GATAD2A: variants seen among roughly 807,000 people sequenced by gnomAD.
The protein encoded by GATAD2A is transcriptional repressor p66-alpha.
A neutral mutation model predicts 68.5 loss-of-function variants in GATAD2A; 12 were observed. The observed-to-expected ratio is 0.18, with a 90% CI of 0.11 to 0.28. The LOEUF (loss-of-function observed/expected upper bound fraction) is 0.28, where lower values mean the gene tolerates loss of function less well. GATAD2A is among the 10% of genes least tolerant of loss of function. GATAD2A has a pLI of 1.00. For synonymous variants in GATAD2A, 410 were observed against 375.3 expected (o/e 1.09, Z -1.07); for missense variants, 755 against 868.5 (o/e 0.87, Z 1.64).
intron 1 of GATAD2A, among the ~76,000 whole-genome samples, chr19:19,431,177 G>A (rs2053705348): frequency 6.6e-6 from 1 of 151,856 alleles, no homozygotes; most frequent in Non-Finnish European, 1.5e-5. Flanking sequence ...AACTCAGCCA[G>A]TACGGGGTGG....
rs2057716486 is a variant in GATAD2A at position 19,464,493 on chromosome 19, G to GTCCTGTCT, written c.-6-846_-6-839dup. ...TGCAGACAGACATCGCTGTGCTGTC[G>GTCCTGTCT]TCCTGTCTCCGTGAGGGTTAACAAC... On this transcript the variant is annotated intron_variant, in intron 1 of 11. Transcript: ENST00000683918. Among the ~76,000 whole-genome samples the GTCCTGTCT allele has an allele frequency of 2.0e-5, 3 of 152,256 alleles. No individual in the cohort carries two copies. The South Asian group carries it at 6.2e-4, about 32-fold the overall frequency.
chr19:19,475,310 C>T (rs1472594433), intron 2 of GATAD2A, among the ~76,000 whole-genome samples: 1 of 152,252 alleles, frequency 6.6e-6, no homozygotes, highest in African/African-American at 2.4e-5. Context: ...TGGCTGCCTC[C>T]TACAGCCCTC....
intron 1 of GATAD2A, among the ~76,000 whole-genome samples, chr19:19,432,112 A>G (rs1260187297): frequency 2.0e-5 from 3 of 152,056 alleles, no homozygotes; most frequent in African/African-American, 7.2e-5. Flanking sequence ...AGCAGCTGGG[A>G]TTACAAGCAT....
At chr19:19,472,233 C>G (rs1001377894) in intron 2 of GATAD2A, among the ~76,000 whole-genome samples, 1 of 152,082 alleles carries the variant, frequency 6.6e-6, no homozygotes. Flanking sequence ...GTAGCAGATC[C>G]AGTCCTGCAC....
chr19:19,391,830 A>G (rs905514460), intron 1 of GATAD2A, among the ~76,000 whole-genome samples: 7 of 152,206 alleles, frequency 4.6e-5, no homozygotes, highest in African/African-American at 1.4e-4. Flanking sequence ...TGGAACTGAA[A>G]TAGCTAGGGA....
At chr19:19,445,709 A>G (rs148982801) in intron 1 of GATAD2A, among the ~76,000 whole-genome samples, 5 of 152,104 alleles carry the variant, frequency 3.3e-5, no homozygotes, top group Non-Finnish European at 7.3e-5. Context: ...TTCACTTAGC[A>G]TGATGTTTTC....
At chr19:19,489,815 T>G (rs1056702752) in intron 2 of GATAD2A, among the ~76,000 whole-genome samples, 2 of 152,264 alleles carry the variant, frequency 1.3e-5, no homozygotes, top group Admixed American at 1.3e-4. Flanking sequence ...CTATACAAGA[T>G]GCTGCCTTGG....
At chr19:19,433,837 C>T (rs1191545736) in intron 1 of GATAD2A, among the ~76,000 whole-genome samples, 1 of 152,198 alleles carries the variant, frequency 6.6e-6, no homozygotes, top group Non-Finnish European at 1.5e-5. Context: ...TGCAGTGGCA[C>T]AGTCACGGCT....
At chr19:19,446,061 G>A (rs1246954426) in intron 1 of GATAD2A, among the ~76,000 whole-genome samples, 2 of 152,254 alleles carry the variant, frequency 1.3e-5, no homozygotes, top group East Asian at 3.9e-4. Flanking sequence ...TCACTCTACT[G>A]TTTTACTTTC....
At chr19:19,494,458 C>T (rs2060011313) in intron 5 of GATAD2A, 75 bp downstream of exon 5, 8 of 925,894 alleles carry the variant, frequency 8.6e-6, no homozygotes, top group African/African-American at 3.3e-5. Context: ...CTCGGGCTCC[C>T]AAACAGCCCT....
chr19:19,427,038 C>T (rs911800216), intron 1 of GATAD2A, among the ~76,000 whole-genome samples: 5 of 151,498 alleles, frequency 3.3e-5, no homozygotes, highest in African/African-American at 1.2e-4. Context: ...AGAAGTCAGG[C>T]TCAAAAAGAC....
At chr19:19,489,862 G>A (rs1191067716) in intron 2 of GATAD2A, among the ~76,000 whole-genome samples, 1 of 152,230 alleles carries the variant, frequency 6.6e-6, no homozygotes, top group East Asian at 1.9e-4. Context: ...GGCCACCTGG[G>A]TGGAGGCCAG....
At chr19:19,489,343 G>T (rs539403856) in intron 2 of GATAD2A, among the ~76,000 whole-genome samples, 38 of 152,342 alleles carry the variant, frequency 2.5e-4, no homozygotes, top group African/African-American at 8.9e-4. Flanking sequence ...CAAAATGAAG[G>T]CTGCGTGTCA....
At chr19:19,412,764 C>G (rs1417099847) in intron 1 of GATAD2A, among the ~76,000 whole-genome samples, 1 of 152,212 alleles carries the variant, frequency 6.6e-6, no homozygotes, top group Non-Finnish European at 1.5e-5. Context: ...ACCTTTGAGT[C>G]AGTGGCTGTG....
intron 1 of GATAD2A, among the ~76,000 whole-genome samples, chr19:19,441,969 C>G (rs1338965162): frequency 7.2e-5 from 11 of 152,288 alleles, no homozygotes; most frequent in Non-Finnish European, 7.4e-5. Context: ...TCAAGTGATT[C>G]TTCTGCCTCA....
chr19:19,393,789 T>C (rs2049020772), intron 1 of GATAD2A, among the ~76,000 whole-genome samples: 1 of 152,146 alleles, frequency 6.6e-6, no homozygotes, highest in Admixed American at 6.5e-5. Flanking sequence ...CCTACTTGAT[T>C]GTTGGCGATA....
intron 11 of GATAD2A, among the ~76,000 whole-genome samples, chr19:19,503,563 T>C (rs2060682582): frequency 6.6e-6 from 1 of 151,952 alleles, no homozygotes; most frequent in Non-Finnish European, 1.5e-5. Flanking sequence ...ATTACTCTTG[T>C]GGGAAGTTTG....
rs1416848788 is a variant in GATAD2A at position 19,508,863 on chromosome 19, TG to T, written c.*3391del. The T allele has an allele frequency of 1.3e-5, 2 of 152,182 alleles. No individual in the cohort carries two copies. The highest frequency in any genetic ancestry group is 4.8e-5 in the African/African-American group (2 of 41,418). 9.4% of individuals were successfully genotyped at this position (152,182 alleles called of 1,614,324 possible). On this transcript the variant is annotated 3_prime_UTR_variant, in exon 12 of 12. Coordinates refer to ENST00000683918, the MANE Select transcript of GATAD2A (RefSeq NM_001384528.1). ...GTTCCAATAAGCAGGCTGGAATGGG[TG>T]GCTATACGTTGTATCACGAGGAAGT...
At chr19:19,452,591 G>A (rs1387862459) in intron 1 of GATAD2A, among the ~76,000 whole-genome samples, 1 of 151,524 alleles carries the variant, frequency 6.6e-6, no homozygotes, top group African/African-American at 2.4e-5. Flanking sequence ...GCCTGGGGGG[G>A]TGAAGTGACG....
Sources: gnomAD v4.1 joint callset for allele counts (sites outside exome capture counted in the v4.1 genomes callset) on GRCh38, gnomAD v4.1.1 for gene constraint, MANE v1.5 for transcripts, NCBI Gene and HGNC (gene_info 2026-07-23, HGNC 2026-07-21) for gene names.